FANCE: variants seen among roughly 807,000 people sequenced by gnomAD.
FANCE encodes FA complementation group E, also known as Fanconi anemia group E protein.
In FANCE, 42 loss-of-function variants were observed where a neutral mutation model predicts 57.8. The observed-to-expected ratio is 0.73, with a 90% CI of 0.57 to 0.94. The LOEUF (loss-of-function observed/expected upper bound fraction) is 0.94, where lower values mean the gene tolerates loss of function less well. FANCE is among the 40% of genes least tolerant of loss of function. The pLI is 0.00. For missense variants in FANCE, 608 were observed against 661.8 expected (o/e 0.92, Z 0.89); for synonymous variants, 251 against 286.4 (o/e 0.88, Z 1.25).
In FANCE at chr6:35,456,290, C is replaced by A. The variant is rs758132363; in HGVS notation, c.792C>A (p.Asp264Glu). Reference protein sequence around the residue: ...QPVMAVKTGEDGSNLDDAKGL... With the variant: ...QPVMAVKTGEEGSNLDDAKGL... ...TCATGGCAGTTAAGACTGGCGAGGA[C>A]GGTTCGAATCTGGATGATGCTAAAG... is the stretch of plus-strand genomic sequence containing the variant. The change falls in exon 2 of 10, where the codon GAC (aspartate) becomes GAA (glutamate). Residue 264 changes from aspartate (D) to glutamate (E), a missense_variant. Transcript: ENST00000229769. This position sits in a 1 kb window ranked among gnomAD's most constrained non-coding sequence, Gnocchi z 4.3. 1 of 1,614,100 alleles carries A rather than the reference C, an allele frequency of 6.2e-7. No homozygotes were observed. The highest frequency in any genetic ancestry group is 1.1e-5 in the South Asian group (1 of 91,086).
chr6:35,463,460 C>T (rs1425211410), intron 9 of FANCE, among the ~76,000 whole-genome samples: 2 of 152,262 alleles, frequency 1.3e-5, no homozygotes, highest in Middle Eastern at 3.4e-3. Flanking sequence ...CAACAGCGAC[C>T]ATAATGCAAT....
In FANCE at chr6:35,456,016, T is replaced by TG. The variant is rs773363446; in HGVS notation, c.524dup (p.Arg176GlnfsTer12). On this transcript the variant is annotated frameshift_variant, in exon 2 of 10. Coordinates refer to ENST00000229769, the MANE Select transcript of FANCE (RefSeq NM_021922.3). LOFTEE classifies it high-confidence loss of function. The surrounding 1 kb of genome is among the most constrained non-coding windows in gnomAD (Gnocchi z 4.3). ...CAAAGTCTATGTAGGGGGCTGGGCC[T>TG]GGGGGGCAGGAGGTTGAAATCCCCC... is the stretch of plus-strand genomic sequence containing the variant. 2.5e-6 allele frequency: 4 copies of TG among 1,612,732 alleles called. No homozygotes were observed. Among genetic ancestry groups the TG allele is most frequent in the South Asian group, 1.1e-5 (1 of 91,058 alleles).
At position 35,452,591 on chromosome 6, in the gene FANCE, C is replaced by G. The variant is rs1286202189; in HGVS notation, c.46C>G (p.Pro16Ala). The change falls in exon 1 of 10, where the codon CCG (proline) becomes GCG (alanine). Residue 16 changes from proline (P) to alanine (A), a missense_variant. By Grantham distance (27) the Pro-to-Ala change is conservative (BLOSUM62 -1). Coordinates refer to ENST00000229769, the MANE Select transcript of FANCE (RefSeq NM_021922.3). ...AGLPGAEGVEPAPWAQLEAPA... is the reference protein window; with the variant it reads ...AGLPGAEGVEAAPWAQLEAPA... Reference sequence around the variant, plus strand: ...GCTCCCTGGGGCTGAGGGCGTGGAGCCGGCGCCCTGGGCGCAGCTGGAGGC... The same window carrying G: ...GCTCCCTGGGGCTGAGGGCGTGGAGGCGGCGCCCTGGGCGCAGCTGGAGGC... 1 of 1,324,296 alleles carries G rather than the reference C, an allele frequency of 7.6e-7. No individual in the cohort carries two copies. Among genetic ancestry groups the G allele is most frequent in the Admixed American group, 3.0e-5 (1 of 33,744 alleles). 82.0% of individuals were successfully genotyped at this position (1,324,296 alleles called of 1,614,324 possible). A position where few individuals can be genotyped will look rare whatever the true frequency, so the allele number is the denominator to read the frequency against.
chr6:35,460,663 G>A (rs1278581643), intron 8 of FANCE, 45 bp downstream of exon 8: 2 of 1,561,696 alleles, frequency 1.3e-6, no homozygotes, highest in South Asian at 1.1e-5. Context: ...AAGTGCTGCA[G>A]TCCTTGGAAG....
Position 35,466,913 on chromosome 6 carries a change from AG to A in FANCE, c.*571del. 2 of 229,790 alleles carry A rather than the reference AG, an allele frequency of 8.7e-6. No homozygotes were observed. Among genetic ancestry groups the A allele is most frequent in the Non-Finnish European group, 1.7e-5 (2 of 115,614 alleles). 14.2% of individuals were successfully genotyped at this position (229,790 alleles called of 1,614,324 possible). ...CACTCCTCATCAATTCTCAGGCTGCAGGGACAAACTTTCCGATAGGGCTCAG... is the reference window on the plus strand; with the variant it reads ...CACTCCTCATCAATTCTCAGGCTGCAGGACAAACTTTCCGATAGGGCTCAG... On this transcript the variant is annotated 3_prime_UTR_variant, in exon 10 of 10. Coordinates refer to ENST00000229769, the MANE Select transcript of FANCE (RefSeq NM_021922.3).
intron 7 of FANCE, among the ~76,000 whole-genome samples, chr6:35,460,226 C>T (rs1252575767): frequency 1.3e-5 from 2 of 152,152 alleles, no homozygotes; most frequent in African/African-American, 4.8e-5. Flanking sequence ...CGCAATTCTC[C>T]TGTCTCGGCC....
intron 7 of FANCE, 89 bp downstream of exon 7, chr6:35,459,849 G>C: frequency 9.7e-6 from 11 of 1,139,134 alleles, no homozygotes; most frequent in Non-Finnish European, 1.5e-5. Context: ...TGCAGGGAAG[G>C]CTTACCTTCT....
Position 35,452,415 on chromosome 6 carries a change from G to A in FANCE, c.-131G>A, listed in dbSNP as rs1767137742. The A allele has an allele frequency of 6.1e-6, 6 of 991,588 alleles. No homozygotes were observed. The highest frequency in any genetic ancestry group is 3.5e-5 in the East Asian group (1 of 28,608). 61.4% of individuals were successfully genotyped at this position (991,588 alleles called of 1,614,324 possible). ...CTCCGGTCTCCCAACGCCGAGGAGA[G>A]CTTGTAACAGGCGCTGGAGCTGGCC... On this transcript the variant is annotated 5_prime_UTR_variant, in exon 1 of 10. Coordinates refer to ENST00000229769, the MANE Select transcript of FANCE (RefSeq NM_021922.3).
intron 9 of FANCE, among the ~76,000 whole-genome samples, chr6:35,463,719 T>C (rs1483050881): frequency 6.6e-6 from 1 of 150,516 alleles, no homozygotes; most frequent in African/African-American, 2.5e-5. Context: ...TGGAATGCAA[T>C]GGCATGATCT....
chr6:35,456,433 CTT>C lies in FANCE; in HGVS notation c.855+84_855+85del. The C allele has an allele frequency of 6.3e-7, 1 of 1,582,920 alleles. No homozygotes were observed. The highest frequency in any genetic ancestry group is 8.7e-7 in the Non-Finnish European group (1 of 1,152,962). The stretch of plus-strand genomic sequence containing the variant: ...TCCATGGGGAAGGCTGCTTGGGACA[CTT>C]TTTCCCAATGGAGTTGACTGTAGTT... On this transcript the variant is annotated intron_variant, in intron 2 of 9. Coordinates refer to ENST00000229769, the MANE Select transcript of FANCE (RefSeq NM_021922.3). The surrounding 1 kb of genome is among the most constrained non-coding windows in gnomAD (Gnocchi z 4.3).
In FANCE at chr6:35,455,815, G is replaced by T; in HGVS notation, c.317G>T (p.Arg106Leu). Residue 106 changes from arginine to leucine, a missense_variant, in exon 2 of 10, where the codon CGG becomes CTG. Transcript: ENST00000229769. ...RNLMSLLMAV[R>L]PSLPESGLLS... ...CTGATGTCCCTGCTGATGGCCGTTC[G>T]GCCATCGCTGCCGGAAAGTGGGCTC... 6.2e-7 allele frequency: 1 copy of T among 1,614,170 alleles called. No individual in the cohort carries two copies. Among genetic ancestry groups the T allele is most frequent in the Non-Finnish European group, 8.5e-7 (1 of 1,180,030 alleles).
intron 9 of FANCE, among the ~76,000 whole-genome samples, chr6:35,464,852 C>T (rs1030975067): frequency 3.3e-5 from 5 of 150,706 alleles, no homozygotes; most frequent in African/African-American, 1.2e-4. Flanking sequence ...CCTGCCTCAG[C>T]CTCCCGAGTA....
At chr6:35,460,106 AT>A (rs758727559) in intron 7 of FANCE, among the ~76,000 whole-genome samples, 4 of 102,784 alleles carry the variant, frequency 3.9e-5, no homozygotes, top group African/African-American at 7.7e-5. Context: ...CTGACTACCC[AT>A]TTTTTTTTGG....
rs1767499219 is a variant in FANCE at position 35,459,449 on chromosome 6, G to A, written c.1232G>A (p.Gly411Asp). Residue 411 changes from glycine (G) to aspartate (D), a missense_variant, in exon 6 of 10, where the codon GGC becomes GAC. By Grantham distance (94) the Gly-to-Asp change is moderately conservative (BLOSUM62 -1). Coordinates refer to ENST00000229769, the MANE Select transcript of FANCE (RefSeq NM_021922.3). ...CTTGACCCTGTGCTCCAGGCCCCAG[G>A]CACAGGTAATTCTGGAACCAGCCCC... The part of the protein sequence containing the change: ...ALLDPVLQAP[G>D]TGPAQTELLC... The A allele has an allele frequency of 1.9e-6, 3 of 1,613,930 alleles. No individual in the cohort carries two copies. Among genetic ancestry groups the A allele is most frequent in the Non-Finnish European group, 2.5e-6 (3 of 1,179,998 alleles).
In FANCE at chr6:35,456,580, T is replaced by C. The variant is rs1418779007; in HGVS notation, c.855+227T>C. On this transcript the variant is annotated intron_variant, in intron 2 of 9. Transcript: ENST00000229769. This position sits in a 1 kb window ranked among gnomAD's most constrained non-coding sequence, Gnocchi z 4.3. ...CCCAGGCTGGAGTTCAATGGCATGA[T>C]CTCAGCTCACCGCAACCTCTGCCTC... Among the ~76,000 whole-genome samples the C allele has an allele frequency of 6.6e-6, 1 of 152,048 alleles. No homozygotes were observed. Among genetic ancestry groups the C allele is most frequent in the Non-Finnish European group, 1.5e-5 (1 of 68,006 alleles).
chr6:35,464,772 G>A (rs11969686), intron 9 of FANCE, among the ~76,000 whole-genome samples: 8,059 of 133,996 alleles, frequency 0.06, 328 homozygotes, highest in East Asian at 0.14. Flanking sequence ...TCGCTCTGTC[G>A]CCCAGGCTGG....
At chr6:35,452,839 G>A in intron 1 of FANCE, 46 bp downstream of exon 1, 7 of 1,282,230 alleles carry the variant, frequency 5.5e-6, no homozygotes, top group Non-Finnish European at 6.9e-6. Flanking sequence ...GAGGCGGGGG[G>A]CTGTCGGGGG....
At chr6:35,455,295 A>G (rs1414736248) in intron 1 of FANCE, among the ~76,000 whole-genome samples, 1 of 151,412 alleles carries the variant, frequency 6.6e-6, no homozygotes, top group Non-Finnish European at 1.5e-5. Flanking sequence ...CCCTGTCTCC[A>G]TCCACTGACT....
chr6:35,455,119 G>A (rs1767272938), intron 1 of FANCE, among the ~76,000 whole-genome samples: 6 of 152,130 alleles, frequency 3.9e-5, no homozygotes, highest in Admixed American at 3.9e-4. Context: ...CCTAAAATTT[G>A]GGAAAGAACT....
Sources: allele counts gnomAD v4.1 joint callset (sites outside exome capture counted in the v4.1 genomes callset), GRCh38; gene constraint gnomAD v4.1.1; non-coding constraint Gnocchi (gnomAD v3.1); transcripts MANE v1.5; gene names NCBI Gene and HGNC (gene_info 2026-07-23, HGNC 2026-07-21).